Variants in LY9 observed in about 807,000 individuals in gnomAD.
LY9 encodes T-lymphocyte surface antigen Ly-9.
Under a neutral mutation model 64.6 loss-of-function variants are expected in LY9, and 59 were observed. The observed-to-expected ratio is 0.91, with a 90% CI of 0.74 to 1.13. The LOEUF (loss-of-function observed/expected upper bound fraction) is 1.13. Among genes scored for constraint, LY9 ranks in the 50% most tolerant of loss-of-function variants. LY9 has a pLI of 0.00. For missense variants in LY9, 789 were observed against 797.2 expected, an observed-to-expected ratio of 0.99 and a Z score of 0.12; for synonymous variants, 281 against 308.5, an observed-to-expected ratio of 0.91 and a Z score of 0.93.
intron 2 of LY9, chr1:160,802,680 C>A: frequency 1.0e-6 from 1 of 980,242 alleles, no homozygotes; most frequent in Non-Finnish European, 1.2e-6. Context: ...AATTAAACTG[C>A]ACATGGTCTC....
chr1:160,807,178 T>A (rs1039751989), intron 2 of LY9, among the ~76,000 whole-genome samples: 1 of 152,248 alleles, frequency 6.6e-6, no homozygotes, highest in Non-Finnish European at 1.5e-5. Context: ...TTCTCTTGTA[T>A]CTCACTGAGC....
At chr1:160,810,431 A>AGTCATTCCTTTGTCTGTGTTGTCTAT (rs1407842404) in intron 2 of LY9, 5 of 152,182 alleles carry the variant, frequency 3.3e-5, no homozygotes, top group African/African-American at 1.2e-4. Context: ...GTGCCCCCAC[A>AGTCATTCCTTTGTCTGTGTTGTCTAT]GTCATTCCTT....
At chr1:160,799,448 T>C in intron 1 of LY9, 1 of 291,700 alleles carries the variant, frequency 3.4e-6, no homozygotes, top group African/African-American at 2.2e-5. Flanking sequence ...TTCAATCTTT[T>C]AGATAAGATT....
intron 7 of LY9, 43 bp from the exon 8 acceptor site, chr1:160,823,422 T>G (rs775307370): frequency 8.2e-6 from 12 of 1,458,394 alleles, no homozygotes; most frequent in Admixed American, 1.8e-5. Context: ...AGAAGAGAGG[T>G]GGGGTTGGCA....
chr1:160,810,728 C>T (rs1014012228), intron 2 of LY9: 22 of 152,160 alleles, frequency 1.4e-4, no homozygotes, highest in African/African-American at 5.1e-4. Context: ...TTAACCCATT[C>T]CAGCATCAAC....
intron 2 of LY9, among the ~76,000 whole-genome samples, chr1:160,807,236 A>G (rs1276897164): frequency 1.3e-5 from 2 of 151,694 alleles, no homozygotes; most frequent in Non-Finnish European, 2.9e-5. Flanking sequence ...CTTTTTCCTG[A>G]ATATGTGTCT....
In LY9 at chr1:160,796,260, C is replaced by G. The variant is rs1280785387; in HGVS notation, c.73C>G (p.Leu25Val). 1.2e-6 allele frequency: 2 copies of G among 1,613,980 alleles called. No homozygotes were observed. Among genetic ancestry groups the G allele is most frequent in the Non-Finnish European group, 1.7e-6 (2 of 1,179,992 alleles). The change falls in exon 1 of 10, where the codon CTG becomes GTG. Residue 25 changes from leucine to valine, a missense_variant. Transcript: ENST00000263285. Reference protein sequence around the residue: ...PFSSKPQRSQLQIFSSVLQTS... With the variant: ...PFSSKPQRSQVQIFSSVLQTS... ...CTCCAGTAAGCCACAGAGGAGTCAGCTGCAAATATTCTCTTCTGTTCTACA... is the reference window on the plus strand; with the variant it reads ...CTCCAGTAAGCCACAGAGGAGTCAGGTGCAAATATTCTCTTCTGTTCTACA...
Position 160,814,569 on chromosome 1 carries a change from G to C in LY9, c.880G>C (p.Glu294Gln). The change falls in exon 4 of 10, where the codon GAA becomes CAA. Residue 294 changes from glutamate to glutamine, a missense_variant. By Grantham distance (29) the Glu-to-Gln change is conservative (BLOSUM62 2). Transcript: ENST00000263285. Reference protein sequence around the residue: ...FNTSIISKEREEAATADPLIK... With the variant: ...FNTSIISKERQEAATADPLIK... Reference sequence around the variant, plus strand: ...CACATCCATCATTAGCAAAGAGAGGGAAGAAGCAGCAACGGCAGATCCACT... The same window carrying C: ...CACATCCATCATTAGCAAAGAGAGGCAAGAAGCAGCAACGGCAGATCCACT... 1 of 1,614,136 alleles carries C rather than the reference G, an allele frequency of 6.2e-7. No homozygotes were observed. The highest frequency in any genetic ancestry group is 8.5e-7 in the Non-Finnish European group (1 of 1,180,020).
intron 6 of LY9, 57 bp downstream of exon 6, chr1:160,818,376 T>C (rs768150352): frequency 5.2e-5 from 69 of 1,318,446 alleles, no homozygotes; most frequent in Non-Finnish European, 7.5e-5. Flanking sequence ...CTGGGACTTG[T>C]GGAGGCTTCT....
At chr1:160,810,285 C>T (rs1471847537) in intron 2 of LY9, 7 of 152,178 alleles carry the variant, frequency 4.6e-5, no homozygotes, top group African/African-American at 1.7e-4. Flanking sequence ...AACAGAATAT[C>T]CCAGAATAGA....
At chr1:160,824,362 C>T in intron 9 of LY9, 113 bp downstream of exon 9, 1 of 1,517,900 alleles carries the variant, frequency 6.6e-7, no homozygotes, top group Non-Finnish European at 8.8e-7. Context: ...TAAATTCTAC[C>T]CACTATGCAC....
chr1:160,819,837 A>C (rs1407680629), intron 7 of LY9, among the ~76,000 whole-genome samples: 1 of 97,562 alleles, frequency 1.0e-5, no homozygotes, highest in African/African-American at 4.1e-5. Flanking sequence ...GAGAGAAAGA[A>C]AGGAAGGAAG....
intron 2 of LY9, chr1:160,809,805 G>A (rs978482756): frequency 6.6e-6 from 1 of 152,148 alleles, no homozygotes; most frequent in Non-Finnish European, 1.5e-5. Flanking sequence ...TTGATAAATT[G>A]AGTAGTTACA....
At chr1:160,810,527 C>T (rs1417650251) in intron 2 of LY9, 1 of 152,190 alleles carries the variant, frequency 6.6e-6, no homozygotes, top group Non-Finnish European at 1.5e-5. Flanking sequence ...TCCATTTTAA[C>T]TTAATTACCT....
intron 2 of LY9, among the ~76,000 whole-genome samples, chr1:160,806,016 T>C (rs920489238): frequency 1.3e-5 from 2 of 151,820 alleles, no homozygotes; most frequent in East Asian, 1.9e-4. Context: ...GGTTTCCATT[T>C]GCATGGAATT....
At chr1:160,801,728 T>A in intron 2 of LY9, 1 of 1,307,576 alleles carries the variant, frequency 7.6e-7, no homozygotes, top group South Asian at 1.2e-5. Flanking sequence ...GGAGGTTTTT[T>A]ATATGATGAG....
chr1:160,801,980 G>C (rs2101746089), intron 2 of LY9: 2 of 1,580,362 alleles, frequency 1.3e-6, no homozygotes, highest in Non-Finnish European at 1.7e-6. Context: ...CCGCGCAGCA[G>C]AGCTGGAAGG....
chr1:160,798,874 T>A (rs2101732063), intron 1 of LY9: 1 of 152,250 alleles, frequency 6.6e-6, no homozygotes, highest in East Asian at 1.9e-4. Flanking sequence ...TGGTCTAGAA[T>A]TTCAAAAGTG....
Position 160,818,277 on chromosome 1 carries a change from G to A in LY9, c.1402G>A (p.Val468Ile), listed in dbSNP as rs74124285. The A allele has an allele frequency of 7.4e-3, 11,947 of 1,614,036 alleles. 736 individuals are homozygous for A. The African/African-American group carries it at 0.14, about 19-fold the overall frequency. The change falls in exon 6 of 10, where the codon GTT becomes ATT. Residue 468 changes from valine (V) to isoleucine (I), a missense_variant. Coordinates refer to ENST00000263285, the MANE Select transcript of LY9 (RefSeq NM_002348.4). ...GTTCCTGATGGTTTGCCTTCTGTGC[G>A]TTGGGATCTTCAGCTGGTGCATTTG... ...GLFLMVCLLC[V>I]GIFSWCIWKR...
Sources: gnomAD v4.1 joint callset for allele counts (sites outside exome capture counted in the v4.1 genomes callset) on GRCh38, gnomAD v4.1.1 for gene constraint, MANE v1.5 for transcripts, NCBI Gene and HGNC (gene_info 2026-07-23, HGNC 2026-07-21) for gene names.